The following ADSS2 variants were observed in gnomAD, a reference collection of about 807,000 sequenced individuals.
The protein encoded by ADSS2 is adenylosuccinate synthetase isozyme 2.
Under a neutral mutation model 60.0 loss-of-function variants are expected in ADSS2, and 30 were observed. The ratio of observed to expected loss-of-function variants is 0.50; its 90% CI spans 0.37 to 0.68. ADSS2 has a LOEUF of 0.68. Among genes scored for constraint, ADSS2 ranks in the 30% least tolerant of loss-of-function variants. The probability of loss-of-function intolerance (pLI) is 0.00; values close to 1 mark genes in which losing one functional copy is unlikely to be tolerated. For missense variants in ADSS2, 373 were observed against 554.8 expected (o/e 0.67, Z 3.29); for synonymous variants, 187 against 193.1 (o/e 0.97, Z 0.26).
At position 244,441,282 on chromosome 1, in the gene ADSS2, T is replaced by C. The variant is rs1388299275; in HGVS notation, c.184-3514A>G. Among the ~76,000 whole-genome samples, 3 of 152,090 alleles carry C rather than the reference T, an allele frequency of 2.0e-5. No homozygotes were observed. In the East Asian group the frequency reaches 5.8e-4, roughly 29 times the overall value. ...ACCATGTTAGCCAGGATGGTCTCGA[T>C]CTCCTGACTTTGTGATCCGCCCGCC... On this transcript the variant is annotated intron_variant, in intron 1 of 12. Transcript: ENST00000366535.
chr1:244,445,942 T>C (rs958625819), intron 1 of ADSS2, among the ~76,000 whole-genome samples: 7 of 152,224 alleles, frequency 4.6e-5, no homozygotes, highest in Non-Finnish European at 8.8e-5. Context: ...CTGTGTCTTA[T>C]CTTTGTCCTT....
chr1:244,443,657 C>G (rs1665304798), intron 1 of ADSS2, among the ~76,000 whole-genome samples: 3 of 152,196 alleles, frequency 2.0e-5, no homozygotes, highest in Admixed American at 1.3e-4. Flanking sequence ...TTATACAGTA[C>G]AGATTTCAGA....
intron 4 of ADSS2, among the ~76,000 whole-genome samples, chr1:244,425,242 G>GA (rs1407739374): frequency 2.6e-5 from 4 of 152,124 alleles, no homozygotes; most frequent in African/African-American, 9.7e-5. Context: ...TTTGGTCTCT[G>GA]AACTTCTAAC....
intron 11 of ADSS2, among the ~76,000 whole-genome samples, chr1:244,413,313 T>C (rs1489585947): frequency 1.3e-5 from 2 of 152,056 alleles, no homozygotes; most frequent in African/African-American, 2.4e-5. Flanking sequence ...TTGTAGATGG[T>C]AGGAGGAATT....
Position 244,418,759 on chromosome 1 carries a change from C to T in ADSS2, c.945+1G>A, listed in dbSNP as rs1664595536. On this transcript the variant is annotated splice_donor_variant, in intron 9 of 12. Coordinates refer to ENST00000366535, the MANE Select transcript of ADSS2 (RefSeq NM_001126.5). LOFTEE classifies it high-confidence loss of function. Reference sequence around the variant, plus strand: ...TGATTATTTACTTAGAATAGGCTTACATTGTCTTGCTCTGTAGGAAAGGCA... The same window carrying T: ...TGATTATTTACTTAGAATAGGCTTATATTGTCTTGCTCTGTAGGAAAGGCA... 2 of 1,592,366 alleles carry T rather than the reference C, an allele frequency of 1.3e-6. No individual in the cohort carries two copies. The highest frequency in any genetic ancestry group is 1.7e-6 in the Non-Finnish European group (2 of 1,173,910).
chr1:244,421,224 T>A (rs1211039793), intron 7 of ADSS2, among the ~76,000 whole-genome samples: 2 of 152,234 alleles, frequency 1.3e-5, no homozygotes, highest in Non-Finnish European at 2.9e-5. Context: ...CATTTAATTG[T>A]TAGTATTACT....
At chr1:244,447,749 G>A (rs1035865005) in intron 1 of ADSS2, among the ~76,000 whole-genome samples, 1 of 152,080 alleles carries the variant, frequency 6.6e-6, no homozygotes, top group African/African-American at 2.4e-5. Context: ...TAGGAATTCC[G>A]CCTTAAATGT....
Position 244,416,048 on chromosome 1 carries a change from G to A in ADSS2, c.1101C>T (p.Asp367=), listed in dbSNP as rs1427529790. The change falls in exon 11 of 13, where the codon GAC becomes GAT. Residue 367 remains aspartate, a synonymous_variant. Transcript: ENST00000366535. ...ALALTKLDIL[D]MFTEIKVGVA... ...CTCCAACTTTGATTTCCGTAAACAT[G>A]TCCAAAATATCCAACTTGGTAAGTG... 3 of 1,613,692 alleles carry A rather than the reference G, an allele frequency of 1.9e-6. No homozygotes were observed. The highest frequency in any genetic ancestry group is 2.2e-5 in the South Asian group (2 of 91,046).
chr1:244,421,842 G>T (rs1177689459), intron 7 of ADSS2, among the ~76,000 whole-genome samples: 1 of 151,990 alleles, frequency 6.6e-6, no homozygotes, highest in Non-Finnish European at 1.5e-5. Flanking sequence ...AGGGTGTGGT[G>T]GTGTGCCCAT....
chr1:244,440,028 G>A (rs1665198444), intron 1 of ADSS2, among the ~76,000 whole-genome samples: 1 of 152,212 alleles, frequency 6.6e-6, no homozygotes, highest in South Asian at 2.1e-4. Context: ...TGGGGGTGGG[G>A]AAGGGGTGGT....
chr1:244,431,588 C>T (rs968580465), intron 4 of ADSS2, among the ~76,000 whole-genome samples: 6 of 152,132 alleles, frequency 3.9e-5, no homozygotes, highest in Non-Finnish European at 7.4e-5. Context: ...AACCAGTCTA[C>T]TAATAGACAA....
chr1:244,415,853 T>G, intron 11 of ADSS2, 128 bp downstream of exon 11: 1 of 648,964 alleles, frequency 1.5e-6, no homozygotes, highest in South Asian at 2.0e-5. Context: ...GTGAGCAAAT[T>G]TGCACTAATC....
In ADSS2 at chr1:244,437,742, A is replaced by T. The variant is rs1171012855; in HGVS notation, c.210T>A (p.Val70=). 6.2e-7 allele frequency: 1 copy of T among 1,607,602 alleles called. No individual in the cohort carries two copies. Among genetic ancestry groups the T allele is most frequent in the South Asian group, 1.1e-5 (1 of 90,946 alleles). ...CQGGNNAGHT[V]VVDSVEYDFH... is the part of the protein sequence containing the mutation. ...AATCATATTCCACAGAATCCACAAC[A>T]ACTGTATGGCCAGCATTATTTCCTC... Residue 70 remains valine, a synonymous_variant, in exon 2 of 13, where the codon GTT becomes GTA. Coordinates refer to ENST00000366535, the MANE Select transcript of ADSS2 (RefSeq NM_001126.5).
At chr1:244,417,961 T>C (rs1664578236) in intron 9 of ADSS2, among the ~76,000 whole-genome samples, 1 of 152,232 alleles carries the variant, frequency 6.6e-6, no homozygotes, top group Admixed American at 6.5e-5. Flanking sequence ...TTTTTTTATG[T>C]TAATATTTTT....
Position 244,451,853 on chromosome 1 carries a change from C to A in ADSS2, c.-36G>T. On this transcript the variant is annotated 5_prime_UTR_variant, in exon 1 of 13. Transcript: ENST00000366535. The surrounding 1 kb of genome is among the most constrained non-coding windows in gnomAD (Gnocchi z 6.6). ...ACGCGAGGAGAGCCCGAAGGAGAGG[C>A]GGCCGGCGAGGAGTGAGCGAACTGA... is the stretch of plus-strand genomic sequence containing the variant. 2 of 1,521,460 alleles carry A rather than the reference C, an allele frequency of 1.3e-6. No homozygotes were observed. Among genetic ancestry groups the A allele is most frequent in the African/African-American group, 1.4e-5 (1 of 72,536 alleles). The allele number at this position is 1,521,460 out of a possible 1,614,324, so 94.2% of individuals were successfully genotyped here. A position where few individuals can be genotyped will look rare whatever the true frequency, so the allele number is the denominator to read the frequency against.
In ADSS2 at chr1:244,411,283, T is replaced by A; in HGVS notation, c.1318+4A>T. ...AAACTTATTCACAAAGTGTTTATGT[T>A]TACCTGGAATTTGAAGCTCATCTTC... On this transcript the variant is annotated splice_donor_region_variant and intron_variant, in intron 12 of 12. Coordinates refer to ENST00000366535, the MANE Select transcript of ADSS2 (RefSeq NM_001126.5). 2 of 1,603,094 alleles carry A rather than the reference T, an allele frequency of 1.2e-6. No homozygotes were observed. Among genetic ancestry groups the A allele is most frequent in the Non-Finnish European group, 1.7e-6 (2 of 1,177,344 alleles).
chr1:244,437,633 G>A, intron 2 of ADSS2, 33 bp downstream of exon 2: 1 of 1,399,652 alleles, frequency 7.1e-7, no homozygotes, highest in Non-Finnish European at 1.0e-6. Context: ...CTGGTGGGGG[G>A]GAATCTCCAT....
In ADSS2 at chr1:244,420,280, A is replaced by G. The variant is rs1321397058; in HGVS notation, c.680T>C (p.Ile227Thr). 6.2e-7 allele frequency: 1 copy of G among 1,612,910 alleles called. No individual in the cohort carries two copies. Among genetic ancestry groups the G allele is most frequent in the South Asian group, 1.1e-5 (1 of 91,010 alleles). ...LQKLKGYMEK[I>T]KPMVRDGVYF... is the part of the protein sequence containing the mutation. ...AACTCCATCTCTCACCATTGGTTTA[A>G]TCTTTTCCATATAACCCTATACACA... is the stretch of plus-strand genomic sequence containing the variant. The change falls in exon 8 of 13, where the codon ATT becomes ACT. Residue 227 changes from isoleucine to threonine, a missense_variant. Transcript: ENST00000366535.
intron 6 of ADSS2, 100 bp downstream of exon 6, chr1:244,423,850 CACT>C (rs1664731067): frequency 8.8e-6 from 7 of 791,348 alleles, no homozygotes; most frequent in East Asian, 2.9e-5. Flanking sequence ...AGCCAACCAC[CACT>C]ATTTAACTAG....
Sources: gnomAD v4.1 joint callset for allele counts (sites outside exome capture counted in the v4.1 genomes callset) on GRCh38, gnomAD v4.1.1 for gene constraint, Gnocchi (gnomAD v3.1) non-coding constraint, MANE v1.5 for transcripts, NCBI Gene and HGNC (gene_info 2026-07-23, HGNC 2026-07-21) for gene names.